DIAPH2: variants seen among roughly 807,000 people sequenced by gnomAD.
DIAPH2 encodes protein diaphanous homolog 2.
In DIAPH2, 35 loss-of-function variants were observed where a neutral mutation model predicts 92.7. The ratio of observed to expected loss-of-function variants is 0.38; its 90% confidence interval spans 0.29 to 0.50. DIAPH2 has a LOEUF of 0.50. Among genes scored for constraint, DIAPH2 ranks in the 20% least tolerant of loss-of-function variants. DIAPH2 has a pLI of 0.94. For missense variants in DIAPH2, 701 were observed against 819.5 expected (o/e 0.86, Z 1.77); for synonymous variants, 301 against 280.4 (o/e 1.07, Z -0.73).
chrX:97,596,636 A>G (rs766298006), intron 26 of DIAPH2, among the ~76,000 whole-genome samples: 7 of 111,747 alleles, frequency 6.3e-5, no homozygotes, highest in South Asian at 3.8e-4. Flanking sequence ...CATGGCCACT[A>G]TCACCCAAAT....
At chrX:97,274,694 G>T (rs781132596) in intron 23 of DIAPH2, among the ~76,000 whole-genome samples, 1 of 107,350 alleles carries the variant, frequency 9.3e-6, no homozygotes, top group South Asian at 4.3e-4. Flanking sequence ...TCGTATAGGG[G>T]GATTTGGCAG....
intron 24 of DIAPH2, among the ~76,000 whole-genome samples, chrX:97,368,847 C>A (rs1668044629): frequency 9.7e-6 from 1 of 103,626 alleles, no homozygotes; most frequent in South Asian, 4.5e-4. Flanking sequence ...GGGTGCTTAT[C>A]TTAATAGAAT....
At chrX:96,795,414 T>A (rs1047379478) in intron 4 of DIAPH2, among the ~76,000 whole-genome samples, 1 of 111,788 alleles carries the variant, frequency 8.9e-6, no homozygotes, top group Non-Finnish European at 1.9e-5. Flanking sequence ...AAAAAAAAGG[T>A]ATAGTCTATA....
At chrX:97,309,824 A>C (rs1247763142) in intron 23 of DIAPH2, among the ~76,000 whole-genome samples, 1 of 112,355 alleles carries the variant, frequency 8.9e-6, no homozygotes, top group African/African-American at 3.2e-5. Flanking sequence ...TCAGTCCTTA[A>C]GAAATAGAGT....
chrX:96,778,307 C>T (rs1190034528), intron 4 of DIAPH2, among the ~76,000 whole-genome samples: 1 of 110,869 alleles, frequency 9.0e-6, no homozygotes, highest in Non-Finnish European at 1.9e-5. Context: ...GTCAAGCCTA[C>T]AGAATCATTG....
intron 26 of DIAPH2, among the ~76,000 whole-genome samples, chrX:97,545,486 A>G (rs1229578326): frequency 3.0e-5 from 3 of 99,106 alleles, no homozygotes; most frequent in Non-Finnish European, 6.0e-5. Context: ...ATAGGTAACA[A>G]TGTTGGAAAA....
intron 23 of DIAPH2, among the ~76,000 whole-genome samples, chrX:97,338,983 A>C (rs1017251897): frequency 8.9e-6 from 1 of 111,977 alleles, no homozygotes; most frequent in Non-Finnish European, 1.9e-5. Context: ...TGTACATTAA[A>C]GTATAAAGGA....
Position 97,040,175 on chromosome X carries a change from G to T in DIAPH2, c.2051-32766G>T, listed in dbSNP as rs368637519. 6.5e-3 allele frequency among the ~76,000 whole-genome samples: 623 copies of T among 96,582 alleles called. 5 individuals are homozygous for T. The highest frequency in any genetic ancestry group is 0.021 in the African/African-American group (568 of 26,803). 83.9% of individuals were successfully genotyped at this position (96,582 alleles called of 115,157 possible). On this transcript the variant is annotated intron_variant, in intron 17 of 26. Transcript: ENST00000324765. Reference sequence around the variant, plus strand: ...CTTGGCAAGTAACCTACCCTTGAGGGTTTTTTTTTTTTTTTCTCCCAGATG... The same window carrying T: ...CTTGGCAAGTAACCTACCCTTGAGGTTTTTTTTTTTTTTTTCTCCCAGATG...
intron 5 of DIAPH2, among the ~76,000 whole-genome samples, chrX:96,898,866 C>A (rs1358040809): frequency 1.8e-5 from 2 of 108,124 alleles, no homozygotes; most frequent in Admixed American, 2.0e-4. Context: ...TTAGGTCTAA[C>A]GTTTAAGTCT....
At chrX:97,393,006 C>T (rs1363540377) in intron 25 of DIAPH2, among the ~76,000 whole-genome samples, 1 of 111,019 alleles carries the variant, frequency 9.0e-6, no homozygotes, top group Admixed American at 9.7e-5. Flanking sequence ...AAAGAGCCTT[C>T]CAAGTCAGGC....
intron 26 of DIAPH2, among the ~76,000 whole-genome samples, chrX:97,446,834 G>T (rs189420801): frequency 9.5e-6 from 1 of 105,518 alleles, no homozygotes; most frequent in Non-Finnish European, 1.9e-5. Flanking sequence ...TCCTAATTGG[G>T]TGGGTTATAA....
intron 1 of DIAPH2, among the ~76,000 whole-genome samples, chrX:96,719,981 T>C (rs2063979409): frequency 1.8e-5 from 2 of 112,063 alleles, no homozygotes; most frequent in East Asian, 5.6e-4. Context: ...TGGTTAATCA[T>C]GGCTGAACGT....
chrX:96,932,863 C>G (rs1447814849), intron 10 of DIAPH2, among the ~76,000 whole-genome samples: 3 of 111,241 alleles, frequency 2.7e-5, no homozygotes, highest in Admixed American at 9.6e-5. Context: ...CTACTGAACA[C>G]TAGATCTTAT....
At chrX:96,971,910 CTA>C (rs1356575342) in intron 17 of DIAPH2, among the ~76,000 whole-genome samples, 1 of 111,808 alleles carries the variant, frequency 8.9e-6, no homozygotes, top group Non-Finnish European at 1.9e-5. Flanking sequence ...CACACAGTAA[CTA>C]TTGATTGATG....
rs138510244 is a variant in DIAPH2, at chrX:97,111,151, T to C, written c.2350-3575T>C. Among the ~76,000 whole-genome samples the C allele has an allele frequency of 2.8e-4, 31 of 112,303 alleles. No homozygotes were observed. In the East Asian group the frequency reaches 8.7e-3, roughly 31 times the overall value. Reference sequence around the variant, plus strand: ...TTCCCACAGCTGTAGAGGCAGAGCCTAAAAAAGAAGAAAGTAAACGTATGG... The same window carrying C: ...TTCCCACAGCTGTAGAGGCAGAGCCCAAAAAAGAAGAAAGTAAACGTATGG... On this transcript the variant is annotated intron_variant, in intron 20 of 26. Coordinates refer to ENST00000324765, the MANE Select transcript of DIAPH2 (RefSeq NM_006729.5).
chrX:97,137,407 C>T (rs1426631769), intron 21 of DIAPH2, among the ~76,000 whole-genome samples: 2 of 105,127 alleles, frequency 1.9e-5, no homozygotes, highest in African/African-American at 7.0e-5. Flanking sequence ...TATTTTCTAA[C>T]ATCCTCCTAG....
At chrX:97,205,940 G>T (rs878959319) in intron 22 of DIAPH2, among the ~76,000 whole-genome samples, 2 of 111,584 alleles carry the variant, frequency 1.8e-5, no homozygotes, top group East Asian at 5.6e-4. Context: ...TAAAGAAAAT[G>T]TGACACATTT....
intron 4 of DIAPH2, among the ~76,000 whole-genome samples, chrX:96,872,587 A>G (rs967995704): frequency 9.6e-6 from 1 of 104,191 alleles, no homozygotes; most frequent in Non-Finnish European, 1.9e-5. Flanking sequence ...CACCTCCCTG[A>G]TTAAAGCAAT....
At chrX:97,570,201 A>G (rs1602674813) in intron 26 of DIAPH2, among the ~76,000 whole-genome samples, 1 of 94,541 alleles carries the variant, frequency 1.1e-5, no homozygotes, top group East Asian at 3.4e-4. Flanking sequence ...CCATATGTGT[A>G]TATGTATATA....
Sources: gnomAD v4.1 joint callset for allele counts (sites outside exome capture counted in the v4.1 genomes callset) on GRCh38, gnomAD v4.1.1 for gene constraint, MANE v1.5 for transcripts, NCBI Gene and HGNC (gene_info 2026-07-23, HGNC 2026-07-21) for gene names.